Variants in MYLK observed in about 807,000 individuals in gnomAD.
MYLK encodes the protein myosin light chain kinase, smooth muscle.
MYLK carries 106 observed loss-of-function variants against 203.4 expected under a neutral mutation model. The observed-to-expected ratio is 0.52, with a 90% CI of 0.45 to 0.61. MYLK has a LOEUF of 0.61. MYLK is among the 20% of genes least tolerant of loss of function. The pLI is 0.00. For missense variants in MYLK, 2,072 were observed against 2,442.3 expected (o/e 0.85, Z 3.20); for synonymous variants, 867 against 959.5 (o/e 0.90, Z 1.78).
intron 4 of MYLK, among the ~76,000 whole-genome samples, chr3:123,782,233 T>C (rs2064327272): frequency 6.6e-6 from 1 of 152,166 alleles, no homozygotes; most frequent in African/African-American, 2.4e-5. Flanking sequence ...ATCTAAATTG[T>C]AGAGTGCAGA....
intron 13 of MYLK, among the ~76,000 whole-genome samples, chr3:123,712,865 C>T (rs1965291): frequency 0.12 from 18,742 of 152,218 alleles, 3,092 homozygotes; most frequent in African/African-American, 0.38. Flanking sequence ...AACATTTGTA[C>T]GAGCCTAGCA....
intron 2 of MYLK, among the ~76,000 whole-genome samples, chr3:123,863,448 T>C (rs1226718676): frequency 6.6e-6 from 1 of 150,836 alleles, no homozygotes; most frequent in Non-Finnish European, 1.5e-5. Context: ...GAAAAACATG[T>C]TTGCAAATCA....
intron 14 of MYLK, 44 bp from the exon 15 acceptor site, chr3:123,708,939 C>A: frequency 6.4e-7 from 1 of 1,560,212 alleles, no homozygotes; most frequent in Non-Finnish European, 8.8e-7. Context: ...GGGAGGTCCT[C>A]CCCGGCCATG....
rs556362443 is a variant in MYLK at position 123,758,812 on chromosome 3, T to TTTTC, written c.166-6278_166-6275dup. Among the ~76,000 whole-genome samples the TTTTC allele has an allele frequency of 9.3e-4, 141 of 152,122 alleles. 2 individuals carry two copies. Among genetic ancestry groups the TTTTC allele is most frequent in the African/African-American group, 2.4e-3 (101 of 41,514 alleles). On this transcript the variant is annotated intron_variant, in intron 4 of 33. Coordinates refer to ENST00000360304, the MANE Select transcript of MYLK (RefSeq NM_053025.4). Reference sequence around the variant, plus strand: ...GGAGCAGCCAAACAAAGATACAGATTTTTCTTTCTTTCTTTCTTTCTTTTT... The same window carrying TTTTC: ...GGAGCAGCCAAACAAAGATACAGATTTTTCTTTCTTTCTTTCTTTCTTTCTTTTT...
At chr3:123,745,932 A>G (rs2063000077) in intron 5 of MYLK, among the ~76,000 whole-genome samples, 1 of 152,084 alleles carries the variant, frequency 6.6e-6, no homozygotes, top group South Asian at 2.1e-4. Context: ...ATCTTGGCTC[A>G]CTGCAACCTC....
chr3:123,720,671 TAAACCAGAATCTGGCTGC>T (rs2062057058), intron 13 of MYLK, among the ~76,000 whole-genome samples: 1 of 152,238 alleles, frequency 6.6e-6, no homozygotes, highest in Non-Finnish European at 1.5e-5. Flanking sequence ...AGTAAGTTTG[TAAACCAGAATCTGGCTGC>T]AAATTCCCAG....
At chr3:123,701,369 G>C in intron 17 of MYLK, 69 bp downstream of exon 17, 2 of 1,515,082 alleles carry the variant, frequency 1.3e-6, no homozygotes, top group Admixed American at 1.7e-5. Flanking sequence ...CTGGGCTGGA[G>C]CTGCCGGGGC....
In MYLK at chr3:123,788,221, A is replaced by G. The variant is rs533977713; in HGVS notation, c.165+5456T>C. On this transcript the variant is annotated intron_variant, in intron 4 of 33. Coordinates refer to ENST00000360304, the MANE Select transcript of MYLK (RefSeq NM_053025.4). ...CTCATCTTAATCTCTCAATTCCTAT[A>G]GTAGAAACTATTTCTTGAAGAAATT... 5.9e-5 allele frequency among the ~76,000 whole-genome samples: 9 copies of G among 152,302 alleles called. No individual in the cohort carries two copies. In the South Asian group the frequency reaches 1.9e-3, roughly 32 times the overall value.
intron 4 of MYLK, among the ~76,000 whole-genome samples, chr3:123,779,890 A>T (rs997278389): frequency 6.6e-6 from 1 of 152,226 alleles, no homozygotes; most frequent in South Asian, 2.1e-4. Context: ...ATGTGCATGT[A>T]GAGGGTGTGG....
intron 4 of MYLK, among the ~76,000 whole-genome samples, chr3:123,770,251 G>A (rs2063834878): frequency 6.6e-6 from 1 of 152,050 alleles, no homozygotes; most frequent in African/African-American, 2.4e-5. Context: ...TTGAACCTCA[G>A]AGGCAGAGGT....
chr3:123,700,753 C>T lies in MYLK; in HGVS notation c.2715G>A (p.Val905=), dbSNP rs773624743. ...LDFRDLLGKK[V]STKTLSEDDL... The stretch of plus-strand genomic sequence containing the variant: ...CGTCTTCCGATAGGGTCTTTGTACT[C>T]ACCTTCTTCCCCAGGAGGTCTCGGA... Residue 905 remains valine, a synonymous_variant, in exon 18 of 34, where the codon GTG becomes GTA. Transcript: ENST00000360304. The T allele has an allele frequency of 9.9e-6, 16 of 1,614,214 alleles. No homozygotes were observed. Among genetic ancestry groups the T allele is most frequent in the South Asian group, 2.2e-5 (2 of 91,070 alleles).
At chr3:123,670,034 CAAAA>C (rs57445681) in intron 20 of MYLK, among the ~76,000 whole-genome samples, 3 of 37,064 alleles carry the variant, frequency 8.1e-5, no homozygotes, top group Non-Finnish European at 1.8e-4. Flanking sequence ...GACTCCATCT[CAAAA>C]AAAAAAAAAA....
rs199634038 is a variant in MYLK at position 123,684,578 on chromosome 3, ACT to A, written c.3566-2270_3566-2269del. 5.0e-3 allele frequency among the ~76,000 whole-genome samples: 752 copies of A among 151,408 alleles called. 14 individuals carry two copies. In the East Asian group the frequency reaches 0.051, roughly 10 times the overall value. On this transcript the variant is annotated intron_variant, in intron 19 of 33. Transcript: ENST00000360304. ...CTTTTTTTTTTTGAAATGGAATCTC[ACT>A]CTGTCACCCAGGCTGGACTGCAGTG...
rs1209272025 is a variant in MYLK, at chr3:123,722,192, G to T, written c.1740C>A (p.Thr580=). 1 of 1,562,206 alleles carries T rather than the reference G, an allele frequency of 6.4e-7. No individual in the cohort carries two copies. Among genetic ancestry groups the T allele is most frequent in the Non-Finnish European group, 8.7e-7 (1 of 1,152,942 alleles). ...IQDALPEDHG[T]YTCLAENALG... ...AGGCATTCTCAGCTAGGCAGGTGTAGGTGCCATGGTCCTCCGGCAGGGCAT... is the reference window on the plus strand; with the variant it reads ...AGGCATTCTCAGCTAGGCAGGTGTATGTGCCATGGTCCTCCGGCAGGGCAT... The change falls in exon 13 of 34, where the codon ACC becomes ACA. Residue 580 remains threonine, a synonymous_variant. Transcript: ENST00000360304.
At chr3:123,830,145 C>T (rs558609969) in intron 3 of MYLK, among the ~76,000 whole-genome samples, 8 of 152,326 alleles carry the variant, frequency 5.3e-5, no homozygotes, top group African/African-American at 1.9e-4. Flanking sequence ...ATAGAAGGGA[C>T]TTGCATTATT....
At position 123,733,076 on chromosome 3, in the gene MYLK, C is replaced by A. The variant is rs1483332202; in HGVS notation, c.1336G>T (p.Ala446Ser). Residue 446 changes from alanine (A) to serine (S), a missense_variant, in exon 11 of 34, where the codon GCC (alanine) becomes TCC (serine). By Grantham distance (99) the Ala-to-Ser change is moderately conservative. Transcript: ENST00000360304. ...EVSGIPKPEV[A>S]WFLEGTPVRR... is the part of the protein sequence containing the mutation. ...ACGGGGGTGCCTTCCAGGAACCAGGCCACTTCAGGCTTTGGAATCCCGGAA... is the reference window on the plus strand; with the variant it reads ...ACGGGGGTGCCTTCCAGGAACCAGGACACTTCAGGCTTTGGAATCCCGGAA... The A allele has an allele frequency of 6.2e-7, 1 of 1,613,986 alleles. No individual in the cohort carries two copies. The highest frequency in any genetic ancestry group is 8.5e-7 in the Non-Finnish European group (1 of 1,179,992).
chr3:123,820,630 C>CCTTCCTTCCTTCCTTA (rs2065894868), intron 3 of MYLK, among the ~76,000 whole-genome samples: 1 of 141,352 alleles, frequency 7.1e-6, no homozygotes, highest in East Asian at 2.0e-4. Flanking sequence ...TTCCTTCCTT[C>CCTTCCTTCCTTCCTTA]CTTCCTTCCT....
At chr3:123,814,362 G>C (rs10934651) in intron 3 of MYLK, among the ~76,000 whole-genome samples, 13,859 of 152,140 alleles carry the variant, frequency 0.091, 1,027 homozygotes, top group East Asian at 0.4. Flanking sequence ...TTACTCCTTT[G>C]CTAGACAGAC....
intron 13 of MYLK, among the ~76,000 whole-genome samples, chr3:123,717,119 T>A (rs1349106532): frequency 1.3e-5 from 2 of 152,232 alleles, no homozygotes; most frequent in African/African-American, 4.8e-5. Context: ...GTAGCCAATG[T>A]AAGTATTTAA....
Sources: gnomAD v4.1 joint callset for allele counts (sites outside exome capture counted in the v4.1 genomes callset) on GRCh38, gnomAD v4.1.1 for gene constraint, MANE v1.5 for transcripts, NCBI Gene and HGNC (gene_info 2026-07-23, HGNC 2026-07-21) for gene names.